Variants in PHF21A observed in about 807,000 individuals in gnomAD.
The protein encoded by PHF21A is BHC80a.
In PHF21A, 11 loss-of-function variants were observed where a neutral mutation model predicts 82.5. That is an observed-to-expected ratio of 0.13 (90% CI 0.08 to 0.22). PHF21A has a LOEUF of 0.22. Ranked by LOEUF, PHF21A falls within the 10% of genes least tolerant of loss-of-function variation. The pLI is 1.00. For missense variants in PHF21A, 579 were observed against 837.8 expected (o/e 0.69, Z 3.81); for synonymous variants, 297 against 302.8 (o/e 0.98, Z 0.20).
chr11:45,984,281 C>T (rs1565401254), intron 6 of PHF21A, among the ~76,000 whole-genome samples: 1 of 152,162 alleles, frequency 6.6e-6, no homozygotes, highest in Non-Finnish European at 1.5e-5. Flanking sequence ...AGCCAACATG[C>T]CAGGCCTCCA....
chr11:45,974,554 A>T (rs934869443), intron 7 of PHF21A, among the ~76,000 whole-genome samples: 6 of 151,978 alleles, frequency 3.9e-5, no homozygotes, highest in Non-Finnish European at 8.8e-5. Context: ...CCTGGGCTCA[A>T]GTAATCCTCC....
intron 6 of PHF21A, among the ~76,000 whole-genome samples, chr11:46,039,053 G>C (rs977261867): frequency 6.6e-6 from 1 of 152,156 alleles, no homozygotes; most frequent in Non-Finnish European, 1.5e-5. Flanking sequence ...AGCAGAGTGA[G>C]TGGGCTGAAT....
At chr11:46,020,941 T>C (rs1030630146) in intron 6 of PHF21A, among the ~76,000 whole-genome samples, 1 of 152,158 alleles carries the variant, frequency 6.6e-6, no homozygotes, top group African/African-American at 2.4e-5. Flanking sequence ...GAAAATATTC[T>C]AAGTCGAAAG....
intron 1 of PHF21A, among the ~76,000 whole-genome samples, chr11:46,109,889 G>A (rs2097192350): frequency 6.6e-6 from 1 of 151,642 alleles, no homozygotes; most frequent in Non-Finnish European, 1.5e-5. Flanking sequence ...GCTGAGGAAG[G>A]AGAATCACTT....
At chr11:45,998,145 G>C (rs761370712) in intron 6 of PHF21A, among the ~76,000 whole-genome samples, 3 of 152,174 alleles carry the variant, frequency 2.0e-5, no homozygotes, top group African/African-American at 4.8e-5. Context: ...AACCATTCTA[G>C]TCGTCTTTGT....
Position 46,068,604 on chromosome 11 carries a change from C to T in PHF21A, c.153+8150G>A, listed in dbSNP as rs185179985. On this transcript the variant is annotated intron_variant, in intron 6 of 18. Coordinates refer to ENST00000676320, the MANE Select transcript of PHF21A (RefSeq NM_001352027.3). ...CTTGAAAAACATTCCACAAACTTGG[C>T]CTTTGATTTGATATTCATAGCTTGA... Among the ~76,000 whole-genome samples, 159 of 152,102 alleles carry T rather than the reference C, an allele frequency of 1.0e-3. 1 individual carries two copies. Among genetic ancestry groups the T allele is most frequent in the African/African-American group, 3.6e-3 (151 of 41,482 alleles).
At chr11:46,004,365 T>C (rs2095239307) in intron 6 of PHF21A, among the ~76,000 whole-genome samples, 1 of 152,190 alleles carries the variant, frequency 6.6e-6, no homozygotes, top group Non-Finnish European at 1.5e-5. Flanking sequence ...TCTTGGACAC[T>C]GTAAAAAACT....
intron 6 of PHF21A, among the ~76,000 whole-genome samples, chr11:46,006,047 A>T (rs2095286635): frequency 6.6e-6 from 1 of 152,222 alleles, no homozygotes; most frequent in African/African-American, 2.4e-5. Context: ...GTCTTTGTAG[A>T]TAAAAAATAA....
At chr11:46,032,229 G>A (rs2095879211) in intron 6 of PHF21A, among the ~76,000 whole-genome samples, 1 of 151,976 alleles carries the variant, frequency 6.6e-6, no homozygotes, top group Admixed American at 6.6e-5. Flanking sequence ...ATTTATAAAT[G>A]TAATATAATT....
intron 7 of PHF21A, among the ~76,000 whole-genome samples, chr11:45,978,705 T>C (rs1438457743): frequency 6.6e-6 from 1 of 152,228 alleles, no homozygotes; most frequent in Non-Finnish European, 1.5e-5. Context: ...GATCTATAGC[T>C]TTCAACAGAG....
intron 6 of PHF21A, among the ~76,000 whole-genome samples, chr11:45,995,934 T>A (rs776103966): frequency 1.2e-4 from 19 of 152,148 alleles, no homozygotes; most frequent in Admixed American, 2.6e-4. Context: ...TGGCTTTTTT[T>A]AAAAAAATAA....
chr11:46,031,682 C>G (rs532070470), intron 6 of PHF21A, among the ~76,000 whole-genome samples: 7 of 152,230 alleles, frequency 4.6e-5, no homozygotes, highest in Non-Finnish European at 1.0e-4. Flanking sequence ...CGAGGCAGGT[C>G]AAATCAAAAA....
chr11:45,945,840 G>A lies in PHF21A; in HGVS notation c.1452C>T (p.Asp484=), dbSNP rs1413554947. 15 of 1,572,012 alleles carry A rather than the reference G, an allele frequency of 9.5e-6. No homozygotes were observed. The highest frequency in any genetic ancestry group is 1.2e-5 in the Non-Finnish European group (14 of 1,162,106). The change falls in exon 15 of 19, where the codon GAC becomes GAT. Residue 484 remains aspartate (D), a splice_region_variant and synonymous_variant. Coordinates refer to ENST00000676320, the MANE Select transcript of PHF21A (RefSeq NM_001352027.3). ...AGTGTGCTTTTCCCAAGTTACTTAC[G>A]TCTGTGGAGGTGGGGCTGGGCAGGG... ...PVSLPSPTST[D]GDIHEDFCSV...
At chr11:46,083,177 A>G (rs2135224490) in intron 4 of PHF21A, among the ~76,000 whole-genome samples, 1 of 152,278 alleles carries the variant, frequency 6.6e-6, no homozygotes, top group East Asian at 1.9e-4. Flanking sequence ...TTAAAAAAAA[A>G]AAAAAGTACA....
At chr11:45,972,444 G>A (rs552499264) in intron 7 of PHF21A, among the ~76,000 whole-genome samples, 2 of 152,236 alleles carry the variant, frequency 1.3e-5, no homozygotes, top group Admixed American at 1.3e-4. Context: ...TATTTGCACT[G>A]TCTGATTTGG....
intron 16 of PHF21A, 76 bp downstream of exon 16, chr11:45,938,081 C>T: frequency 7.7e-7 from 1 of 1,297,154 alleles, no homozygotes; most frequent in South Asian, 1.6e-5. Context: ...TGCCATTTCC[C>T]CGGGAAAGGA....
At chr11:46,014,075 A>C (rs929600770) in intron 6 of PHF21A, among the ~76,000 whole-genome samples, 42 of 152,158 alleles carry the variant, frequency 2.8e-4, no homozygotes, top group African/African-American at 9.9e-4. Flanking sequence ...CATATTTCAT[A>C]ATGCTGAGGT....
At chr11:45,945,777 A>G (rs2135383314) in intron 15 of PHF21A, 63 bp downstream of exon 15, 2 of 1,378,496 alleles carry the variant, frequency 1.5e-6, no homozygotes, top group Non-Finnish European at 2.0e-6. Context: ...GAGACAACAT[A>G]TGATAACGCT....
At chr11:45,975,893 T>C (rs2094000753) in intron 7 of PHF21A, among the ~76,000 whole-genome samples, 1 of 152,180 alleles carries the variant, frequency 6.6e-6, no homozygotes, top group African/African-American at 2.4e-5. Flanking sequence ...TGCTACTTAA[T>C]ATTTAATTCT....
Sources: gnomAD v4.1 joint callset for allele counts (sites outside exome capture counted in the v4.1 genomes callset) on GRCh38, gnomAD v4.1.1 for gene constraint, MANE v1.5 for transcripts, NCBI Gene and HGNC (gene_info 2026-07-23, HGNC 2026-07-21) for gene names.